The following PLCB1 variants were observed in gnomAD, a reference collection of about 807,000 sequenced individuals.
PLCB1 encodes the protein phospholipase C beta 1, also known as 1-phosphatidylinositol 4,5-bisphosphate phosphodiesterase beta-1.
PLCB1 carries 46 observed loss-of-function variants against 161.8 expected under a neutral mutation model. The observed-to-expected ratio is 0.28, with a 90% CI of 0.22 to 0.36. The LOEUF is 0.36. PLCB1 is among the 10% of genes least tolerant of loss of function. The pLI is 1.00. For synonymous variants in PLCB1, 517 were observed against 503.7 expected, an observed-to-expected ratio of 1.03 and a Z score of -0.35; for missense variants, 1,016 against 1,472.5, an observed-to-expected ratio of 0.69 and a Z score of 5.07.
At chr20:8,420,568 A>G (rs1979497552) in intron 3 of PLCB1, among the ~76,000 whole-genome samples, 1 of 152,122 alleles carries the variant, frequency 6.6e-6, no homozygotes, top group South Asian at 2.1e-4. Flanking sequence ...TACTGTTGCC[A>G]TCTTTGTGTT....
intron 23 of PLCB1, among the ~76,000 whole-genome samples, chr20:8,749,200 C>T (rs1981326863): frequency 6.6e-6 from 1 of 152,154 alleles, no homozygotes; most frequent in South Asian, 2.1e-4. Context: ...TTCAGTAGGT[C>T]TGGGGCGGAC....
At position 8,733,397 on chromosome 20, in the gene PLCB1, G is replaced by A. The variant is rs1428040021; in HGVS notation, c.2043+5G>A. 6.2e-7 allele frequency: 1 copy of A among 1,612,492 alleles called. No individual in the cohort carries two copies. Among genetic ancestry groups the A allele is most frequent in the Non-Finnish European group, 8.5e-7 (1 of 1,178,732 alleles). ...GCAAACACTTTGTCTGTTAAGGTAG[G>A]TATACCCCATCACAAAATTGTTCCT... On this transcript the variant is annotated splice_donor_5th_base_variant and intron_variant, in intron 19 of 31. Transcript: ENST00000338037.
chr20:8,405,504 G>C (rs932030145), intron 3 of PLCB1, among the ~76,000 whole-genome samples: 6 of 152,178 alleles, frequency 3.9e-5, no homozygotes, highest in Non-Finnish European at 5.9e-5. Context: ...TTTAGCAGTA[G>C]GGAAATAGAA....
At chr20:8,783,493 A>G (rs1319913633) in intron 27 of PLCB1, among the ~76,000 whole-genome samples, 6 of 152,216 alleles carry the variant, frequency 3.9e-5, no homozygotes. Flanking sequence ...TGAGCCCAAA[A>G]CACAGAAGTT....
rs1350964561 is a variant in PLCB1, at chr20:8,739,319, T to G, written c.2267T>G (p.Phe756Cys). 4 of 1,613,982 alleles carry G rather than the reference T, an allele frequency of 2.5e-6. No individual in the cohort carries two copies. The highest frequency in any genetic ancestry group is 3.4e-6 in the Non-Finnish European group (4 of 1,179,918). Residue 756 changes from phenylalanine (F) to cysteine (C), a missense_variant, in exon 21 of 32, where the codon TTC becomes TGC. Transcript: ENST00000338037. ...RIAVYEEGGK[F>C]IGHRILPVQA... ...GCAGTTTATGAAGAAGGAGGTAAAT[T>G]CATTGGCCACCGTATCTTGCCAGTG...
At chr20:8,767,913 A>G (rs1222033956) in intron 26 of PLCB1, among the ~76,000 whole-genome samples, 1 of 152,118 alleles carries the variant, frequency 6.6e-6, no homozygotes, top group Non-Finnish European at 1.5e-5. Context: ...GCTGGGCGCA[A>G]TGGCTCACTC....
intron 1 of PLCB1, among the ~76,000 whole-genome samples, chr20:8,145,450 C>T (rs887698892): frequency 6.6e-6 from 1 of 152,198 alleles, no homozygotes; most frequent in Non-Finnish European, 1.5e-5. Context: ...CACGATAAAC[C>T]TGGTGACATA....
intron 3 of PLCB1, among the ~76,000 whole-genome samples, chr20:8,624,493 A>G (rs1988276421): frequency 6.6e-6 from 1 of 152,246 alleles, no homozygotes; most frequent in South Asian, 2.1e-4. Context: ...AAGTGGTATT[A>G]AAAAGTAAGG....
intron 31 of PLCB1, among the ~76,000 whole-genome samples, chr20:8,881,199 C>G (rs528903516): frequency 2.0e-5 from 3 of 151,948 alleles, no homozygotes; most frequent in East Asian, 3.9e-4. Context: ...GGAGTTTCAC[C>G]CCATGCTGGT....
At chr20:8,295,595 A>G (rs554495692) in intron 2 of PLCB1, among the ~76,000 whole-genome samples, 205 of 152,266 alleles carry the variant, frequency 1.3e-3, no homozygotes, top group African/African-American at 4.8e-3. Flanking sequence ...AATAAATAAA[A>G]GCTGCTTTCT....
chr20:8,736,918 A>T, intron 19 of PLCB1, 110 bp from the exon 20 acceptor site: 1 of 773,906 alleles, frequency 1.3e-6, no homozygotes, highest in Non-Finnish European at 2.1e-6. Context: ...TTTTGCTTAT[A>T]ATTCAACATT....
intron 3 of PLCB1, among the ~76,000 whole-genome samples, chr20:8,416,710 A>G (rs528968882): frequency 3.3e-5 from 5 of 152,040 alleles, no homozygotes; most frequent in Admixed American, 3.3e-4. Flanking sequence ...AGATGGAAGG[A>G]TTTGAGCCAA....
At chr20:8,626,164 C>G (rs1988336393) in intron 3 of PLCB1, among the ~76,000 whole-genome samples, 2 of 115,812 alleles carry the variant, frequency 1.7e-5, no homozygotes, top group Admixed American at 2.2e-4. Flanking sequence ...AGCAACAAAG[C>G]AAGACTCCAT....
At chr20:8,223,931 T>C (rs781636817) in intron 2 of PLCB1, among the ~76,000 whole-genome samples, 46 of 152,218 alleles carry the variant, frequency 3.0e-4, no homozygotes, top group African/African-American at 1.1e-3. Context: ...ATAGAATTAA[T>C]AGGTAAATTT....
intron 9 of PLCB1, among the ~76,000 whole-genome samples, chr20:8,660,562 C>A (rs1193453318): frequency 6.6e-6 from 1 of 152,044 alleles, no homozygotes; most frequent in East Asian, 1.9e-4. Flanking sequence ...TGCCTCCATA[C>A]ATCATCCTCT....
In PLCB1 at chr20:8,698,695, G is replaced by A. The variant is rs1990634778; in HGVS notation, c.1167+912G>A. ...AGGACTTACAGGACTTGGGCTTATA[G>A]TAGGTGATTTGGGGGACGGTTCAAA... On this transcript the variant is annotated intron_variant, in intron 11 of 31. Coordinates refer to ENST00000338037, the MANE Select transcript of PLCB1 (RefSeq NM_015192.4). Among the ~76,000 whole-genome samples, 3 of 152,264 alleles carry A rather than the reference G, an allele frequency of 2.0e-5. No individual in the cohort carries two copies. The South Asian group carries it at 6.2e-4, about 32-fold the overall frequency.
intron 4 of PLCB1, among the ~76,000 whole-genome samples, chr20:8,628,838 G>C (rs1292688984): frequency 6.6e-6 from 1 of 152,056 alleles, no homozygotes; most frequent in African/African-American, 2.4e-5. Context: ...GGAGGCTAAG[G>C]CAGGAGAATC....
At chr20:8,436,032 T>A (rs773041742) in intron 3 of PLCB1, among the ~76,000 whole-genome samples, 15 of 152,236 alleles carry the variant, frequency 9.9e-5, no homozygotes, top group Middle Eastern at 6.8e-3. Context: ...CTCTTGGAAG[T>A]TCCATCATTA....
At chr20:8,294,902 G>A (rs1220740294) in intron 2 of PLCB1, among the ~76,000 whole-genome samples, 1 of 151,852 alleles carries the variant, frequency 6.6e-6, no homozygotes, top group Non-Finnish European at 1.5e-5. Flanking sequence ...ATAACTAGTG[G>A]TATAGTCCCA....
Sources: allele counts gnomAD v4.1 joint callset (sites outside exome capture counted in the v4.1 genomes callset), GRCh38; gene constraint gnomAD v4.1.1; transcripts MANE v1.5; gene names NCBI Gene and HGNC (gene_info 2026-07-23, HGNC 2026-07-21).